Variants in MCU observed in about 807,000 individuals in gnomAD.
MCU encodes calcium uniporter protein, mitochondrial.
In MCU, 12 loss-of-function variants were observed where a neutral mutation model predicts 45.2. The observed-to-expected ratio is 0.27, with a 90% CI of 0.17 to 0.43. The LOEUF (loss-of-function observed/expected upper bound fraction) is 0.43, where lower values mean the gene tolerates loss of function less well. Among genes scored for constraint, MCU ranks in the 20% least tolerant of loss-of-function variants. The pLI, the probability that MCU is intolerant of heterozygous loss-of-function variation, is 1.00. For missense variants in MCU, 324 were observed against 436.7 expected, an observed-to-expected ratio of 0.74 and a Z score of 2.30; for synonymous variants, 160 against 165.1, an observed-to-expected ratio of 0.97 and a Z score of 0.24.
intron 1 of MCU, among the ~76,000 whole-genome samples, chr10:72,743,783 A>G (rs1843370761): frequency 6.6e-6 from 1 of 152,208 alleles, no homozygotes. Context: ...TTATATGTGT[A>G]TGATGGAATT....
At chr10:72,820,913 G>GT (rs745599064) in intron 1 of MCU, among the ~76,000 whole-genome samples, 93 of 145,610 alleles carry the variant, frequency 6.4e-4, no homozygotes, top group South Asian at 2.2e-3. Flanking sequence ...TCTGTTGTTG[G>GT]TTTTTTTTTT....
chr10:72,824,303 T>A lies in MCU; in HGVS notation c.151-10056T>A, dbSNP rs1206145070. On this transcript the variant is annotated intron_variant, in intron 1 of 7. Coordinates refer to ENST00000373053, the MANE Select transcript of MCU (RefSeq NM_138357.3). Reference sequence around the variant, plus strand: ...CCTCCACCTCCCAGGTTCAAGCGATTCTCTTGCCTCAGCCTCCCGAGTAGC... The same window carrying A: ...CCTCCACCTCCCAGGTTCAAGCGATACTCTTGCCTCAGCCTCCCGAGTAGC... 2.6e-5 allele frequency among the ~76,000 whole-genome samples: 4 copies of A among 151,818 alleles called. No individual in the cohort carries two copies. In the East Asian group the frequency reaches 7.7e-4, roughly 29 times the overall value.
intron 6 of MCU, among the ~76,000 whole-genome samples, chr10:72,883,607 A>G (rs1487091769): frequency 1.3e-5 from 2 of 152,214 alleles, no homozygotes; most frequent in African/African-American, 2.4e-5. Context: ...ACTCCTAGGT[A>G]TATCTCCAGC....
At chr10:72,778,716 C>T (rs1008578498) in intron 1 of MCU, among the ~76,000 whole-genome samples, 2 of 151,874 alleles carry the variant, frequency 1.3e-5, no homozygotes, top group Non-Finnish European at 2.9e-5. Flanking sequence ...ATAATGAAAA[C>T]GATTGAATAT....
Position 72,692,219 on chromosome 10 carries a change from C to T in MCU, c.68C>T (p.Ala23Val), listed in dbSNP as rs758278264. ...TCTCGGGGCGGCGGCGGCGGGGGCG[C>T]CGGCGGCTGCGGGGCGCTGACTGCC... ...LSSRGGGGGG[A>V]GGCGALTAGC... Residue 23 changes from alanine (A) to valine (V), a missense_variant, in exon 1 of 8, where the codon GCC becomes GTC. Ala to Val is a moderately conservative substitution (Grantham distance 64, BLOSUM62 0). Coordinates refer to ENST00000373053, the MANE Select transcript of MCU (RefSeq NM_138357.3). The T allele has an allele frequency of 4.0e-6, 5 of 1,246,670 alleles. No individual in the cohort carries two copies. The highest frequency in any genetic ancestry group is 4.0e-6 in the Non-Finnish European group (4 of 989,348). The allele number at this position is 1,246,670 out of a possible 1,614,324, so 77.2% of individuals were successfully genotyped here.
intron 1 of MCU, among the ~76,000 whole-genome samples, chr10:72,758,808 T>TA (rs1174297503): frequency 6.6e-5 from 10 of 152,334 alleles, no homozygotes; most frequent in African/African-American, 2.2e-4. Context: ...TTGAGGCTTT[T>TA]AAAAAATCTC....
intron 2 of MCU, among the ~76,000 whole-genome samples, chr10:72,848,420 CAG>C (rs940975144): frequency 1.7e-4 from 26 of 152,090 alleles, no homozygotes; most frequent in Non-Finnish European, 2.5e-4. Context: ...GCACAGAAGA[CAG>C]AGAGGGGAAA....
chr10:72,853,706 A>G (rs1031718473), intron 2 of MCU, among the ~76,000 whole-genome samples: 3 of 152,250 alleles, frequency 2.0e-5, no homozygotes, highest in Non-Finnish European at 4.4e-5. Context: ...AACCAGTGAT[A>G]AAAGGAAAAT....
intron 1 of MCU, among the ~76,000 whole-genome samples, chr10:72,698,661 C>G (rs770413885): frequency 1.3e-5 from 2 of 152,186 alleles, no homozygotes; most frequent in African/African-American, 4.8e-5. Flanking sequence ...CGCGCCACCA[C>G]GCCCAGCCAA....
chr10:72,719,828 A>G (rs978471746), intron 1 of MCU, among the ~76,000 whole-genome samples: 3 of 152,196 alleles, frequency 2.0e-5, no homozygotes, highest in African/African-American at 4.8e-5. Flanking sequence ...GTGCTATACA[A>G]TTCTAGGTCT....
chr10:72,856,381 G>T (rs945877702), intron 2 of MCU, among the ~76,000 whole-genome samples: 3 of 152,008 alleles, frequency 2.0e-5, no homozygotes, highest in African/African-American at 4.8e-5. Context: ...TCTCAATTAG[G>T]TTTATTTCTT....
intron 1 of MCU, among the ~76,000 whole-genome samples, chr10:72,832,661 T>A (rs1453238600): frequency 6.6e-6 from 1 of 152,128 alleles, no homozygotes; most frequent in Non-Finnish European, 1.5e-5. Context: ...AAACAAAACA[T>A]AGCTAATATT....
At chr10:72,798,941 ATTTTT>A (rs1844294243) in intron 1 of MCU, among the ~76,000 whole-genome samples, 1 of 151,726 alleles carries the variant, frequency 6.6e-6, no homozygotes, top group African/African-American at 2.4e-5. Flanking sequence ...TGATTCTTTT[ATTTTT>A]ATTTTTTATT....
At chr10:72,824,241 G>C (rs1844759041) in intron 1 of MCU, among the ~76,000 whole-genome samples, 1 of 148,534 alleles carries the variant, frequency 6.7e-6, no homozygotes, top group African/African-American at 2.5e-5. Flanking sequence ...TCGTTGCCCA[G>C]GCTGGAGTGC....
At chr10:72,796,716 TG>T (rs1248256580) in intron 1 of MCU, among the ~76,000 whole-genome samples, 1 of 143,780 alleles carries the variant, frequency 7.0e-6, no homozygotes, top group Non-Finnish European at 1.5e-5. Context: ...TTTGTAGAGA[TG>T]GGGTCTTGCT....
chr10:72,837,738 G>A (rs1046883628), intron 2 of MCU, among the ~76,000 whole-genome samples: 5 of 152,084 alleles, frequency 3.3e-5, no homozygotes, highest in Non-Finnish European at 7.4e-5. Context: ...AAGCCTCCAG[G>A]GGTTTCCCTT....
intron 1 of MCU, among the ~76,000 whole-genome samples, chr10:72,702,625 C>T (rs552712173): frequency 1.3e-5 from 2 of 152,104 alleles, no homozygotes; most frequent in Non-Finnish European, 2.9e-5. Flanking sequence ...TCAGCGGGAG[C>T]ACTTGGGACC....
rs571065543 is a variant in MCU at position 72,886,153 on chromosome 10, G to A, written c.*331G>A. On this transcript the variant is annotated 3_prime_UTR_variant, in exon 8 of 8. Coordinates refer to ENST00000373053, the MANE Select transcript of MCU (RefSeq NM_138357.3). ...TTCTTGCATCTTCTTTGCAGAGTCAGCAAAAGAGTAACACACCAGCACCCC... is the reference window on the plus strand; with the variant it reads ...TTCTTGCATCTTCTTTGCAGAGTCAACAAAAGAGTAACACACCAGCACCCC... 15 of 196,788 alleles carry A rather than the reference G, an allele frequency of 7.6e-5. 1 individual carries two copies. The South Asian group carries it at 1.9e-3, about 25-fold the overall frequency. 12.2% of individuals were successfully genotyped at this position (196,788 alleles called of 1,614,324 possible).
chr10:72,725,745 A>G (rs192267528), intron 1 of MCU, among the ~76,000 whole-genome samples: 21 of 152,210 alleles, frequency 1.4e-4, no homozygotes, highest in Middle Eastern at 3.4e-3. Context: ...TTAGCTGGGC[A>G]TGGTGGTGGG....
Sources: gnomAD v4.1 joint callset for allele counts (sites outside exome capture counted in the v4.1 genomes callset) on GRCh38, gnomAD v4.1.1 for gene constraint, MANE v1.5 for transcripts, NCBI Gene and HGNC (gene_info 2026-07-23, HGNC 2026-07-21) for gene names.